The following SV2B variants were observed in gnomAD, a reference collection of about 807,000 sequenced individuals.
SV2B encodes solute carrier family 22 member B2.
In SV2B, 41 loss-of-function variants were observed where a neutral mutation model predicts 73.9. The observed-to-expected ratio is 0.56, with a 90% CI of 0.43 to 0.72. The LOEUF (loss-of-function observed/expected upper bound fraction) is 0.72, where lower values mean the gene tolerates loss of function less well. Among genes scored for constraint, SV2B ranks in the 30% least tolerant of loss-of-function variants. The pLI, the probability that SV2B is intolerant of heterozygous loss-of-function variation, is 0.00. For missense variants in SV2B, 764 were observed against 857.8 expected, an observed-to-expected ratio of 0.89 and a Z score of 1.37; for synonymous variants, 314 against 314.2, an observed-to-expected ratio of 1.00 and a Z score of 0.01.
intron 9 of SV2B, among the ~76,000 whole-genome samples, chr15:91,273,316 CCTGT>C (rs2048378155): frequency 6.6e-6 from 1 of 152,122 alleles, no homozygotes; most frequent in Admixed American, 6.5e-5. Context: ...AAATCTGTGA[CCTGT>C]CTAAGCCTAG....
At chr15:91,156,687 G>T (rs1282425524) in intron 1 of SV2B, among the ~76,000 whole-genome samples, 1 of 152,180 alleles carries the variant, frequency 6.6e-6, no homozygotes. Context: ...GAAATCTCTA[G>T]TTGAAAACAA....
chr15:91,242,986 G>T lies in SV2B; in HGVS notation c.452-8833G>T, dbSNP rs570566511. Among the ~76,000 whole-genome samples, 94 of 152,198 alleles carry T rather than the reference G, an allele frequency of 6.2e-4. 2 individuals are homozygous for T. Among genetic ancestry groups the T allele is most frequent in the African/African-American group, 2.1e-3 (88 of 41,508 alleles). On this transcript the variant is annotated intron_variant, in intron 2 of 12. Transcript: ENST00000394232. The surrounding 1 kb of genome is among the most constrained non-coding windows in gnomAD (Gnocchi z 4.9). ...TAGGTGGTGGCTGCTCCCTTTAGAC[G>T]GGCATGTATTTCTCAGTCCCCACAC...
At chr15:91,133,079 G>A (rs1008451037) in intron 1 of SV2B, among the ~76,000 whole-genome samples, 1 of 152,148 alleles carries the variant, frequency 6.6e-6, no homozygotes, top group South Asian at 2.1e-4. Context: ...TTTTGCAGGC[G>A]GAGAAACTGA....
chr15:91,111,457 G>A (rs1465975793), intron 1 of SV2B, among the ~76,000 whole-genome samples: 1 of 152,206 alleles, frequency 6.6e-6, no homozygotes, highest in African/African-American at 2.4e-5. Context: ...GGTACATGCT[G>A]AGAGAATTGG....
In SV2B at chr15:91,136,614, A is replaced by G. The variant is rs747014634; in HGVS notation, c.-392+36251A>G. Reference sequence around the variant, plus strand: ...CTGACCTGACAGCCAGGTGGGGCCAACCATTCCATTCACACCCTGGAGCAA... The same window carrying G: ...CTGACCTGACAGCCAGGTGGGGCCAGCCATTCCATTCACACCCTGGAGCAA... On this transcript the variant is annotated intron_variant, in intron 1 of 12. Coordinates refer to ENST00000394232, the MANE Select transcript of SV2B (RefSeq NM_001323032.3). The surrounding 1 kb of genome is among the most constrained non-coding windows in gnomAD (Gnocchi z 5.6). Among the ~76,000 whole-genome samples, 88 of 152,314 alleles carry G rather than the reference A, an allele frequency of 5.8e-4. No individual in the cohort carries two copies. Among genetic ancestry groups the G allele is most frequent in the Non-Finnish European group, 9.8e-4 (67 of 68,030 alleles).
At chr15:91,273,405 A>T (rs1263511993) in intron 9 of SV2B, among the ~76,000 whole-genome samples, 1 of 152,258 alleles carries the variant, frequency 6.6e-6, no homozygotes, top group Non-Finnish European at 1.5e-5. Context: ...TTTCTCAGCC[A>T]AGTTCTGTAG....
intron 1 of SV2B, among the ~76,000 whole-genome samples, chr15:91,187,474 T>C (rs2044818463): frequency 6.6e-6 from 1 of 152,212 alleles, no homozygotes; most frequent in South Asian, 2.1e-4. Flanking sequence ...AAGCTGCTCC[T>C]GCTTATGAAA....
chr15:91,161,871 CA>C, intron 1 of SV2B, among the ~76,000 whole-genome samples: 1 of 152,306 alleles, frequency 6.6e-6, no homozygotes, highest in East Asian at 1.9e-4. Context: ...GTGTCTCTCA[CA>C]AAAGTATTTG....
intron 1 of SV2B, among the ~76,000 whole-genome samples, chr15:91,191,107 C>G: frequency 8.9e-6 from 1 of 111,802 alleles, no homozygotes; most frequent in South Asian, 3.2e-4. Context: ...CTCTTGTTGC[C>G]CAGGCTGGAG....
chr15:91,133,366 T>C (rs2042715305), intron 1 of SV2B, among the ~76,000 whole-genome samples: 2 of 152,154 alleles, frequency 1.3e-5, no homozygotes, highest in African/African-American at 4.8e-5. Context: ...AGGCAATATG[T>C]GTGGGAACTT....
intron 1 of SV2B, among the ~76,000 whole-genome samples, chr15:91,188,194 A>G (rs1432482066): frequency 6.6e-6 from 1 of 152,114 alleles, no homozygotes; most frequent in Non-Finnish European, 1.5e-5. Context: ...ACCAAGGCCT[A>G]AAAAGAACCC....
At chr15:91,102,181 C>T (rs12913299) in intron 1 of SV2B, 48 of 152,040 alleles carry the variant, frequency 3.2e-4, no homozygotes, top group African/African-American at 1.1e-3. Context: ...TGATGGGTGA[C>T]GAAAAATGAT....
rs1019431321 is a variant in SV2B, at chr15:91,115,323, C to G, written c.-392+14960C>G. ...TGAAATAAAGATAACACAGTGCTAC[C>G]TTTGTTGGTGAGTGTTGACGACTTT... On this transcript the variant is annotated intron_variant, in intron 1 of 12. Transcript: ENST00000394232. This position sits in a 1 kb window ranked among gnomAD's most constrained non-coding sequence, Gnocchi z 4.3. 6.6e-6 allele frequency among the ~76,000 whole-genome samples: 1 copy of G among 152,148 alleles called. No homozygotes were observed. Among genetic ancestry groups the G allele is most frequent in the African/African-American group, 2.4e-5 (1 of 41,420 alleles).
rs1470997769 is a variant in SV2B at position 91,258,043 on chromosome 15, A to C, written c.785-378A>C. Among the ~76,000 whole-genome samples the C allele has an allele frequency of 6.6e-6, 1 of 152,222 alleles. No homozygotes were observed. The highest frequency in any genetic ancestry group is 1.5e-5 in the Non-Finnish European group (1 of 68,046). On this transcript the variant is annotated intron_variant, in intron 4 of 12. Coordinates refer to ENST00000394232, the MANE Select transcript of SV2B (RefSeq NM_001323032.3). The surrounding 1 kb of genome is among the most constrained non-coding windows in gnomAD (Gnocchi z 4.7). ...GCAAATAGAATATGTTTCCTTTAACAATCTGCCATCTTAAAATATAATGAT... is the reference window on the plus strand; with the variant it reads ...GCAAATAGAATATGTTTCCTTTAACCATCTGCCATCTTAAAATATAATGAT...
At chr15:91,150,142 C>G (rs1400873452) in intron 1 of SV2B, among the ~76,000 whole-genome samples, 2 of 152,072 alleles carry the variant, frequency 1.3e-5, no homozygotes, top group Non-Finnish European at 2.9e-5. Flanking sequence ...CAGCTGGGAT[C>G]CAGGTGCCCA....
Position 91,226,241 on chromosome 15 carries a change from C to T in SV2B, c.-23C>T, listed in dbSNP as rs567203159. ...GCGAGGGATATAGCTCAAGGGGCAA[C>T]CAGGCAGTCGCAGAACCAAGGAATG... is the stretch of plus-strand genomic sequence containing the variant. On this transcript the variant is annotated 5_prime_UTR_variant, in exon 2 of 13. Coordinates refer to ENST00000394232, the MANE Select transcript of SV2B (RefSeq NM_001323032.3). 2.7e-4 allele frequency: 434 copies of T among 1,612,992 alleles called. 2 individuals are homozygous for T. The South Asian group carries it at 4.5e-3, about 17-fold the overall frequency.
In SV2B at chr15:91,294,667, C is replaced by A. The variant is rs1431204493; in HGVS notation, c.*2115C>A. ...TAATGGGATAATACAATTCATTGAGCAGCTACCACTTAAAAAACTTGCAGG... is the reference window on the plus strand; with the variant it reads ...TAATGGGATAATACAATTCATTGAGAAGCTACCACTTAAAAAACTTGCAGG... On this transcript the variant is annotated 3_prime_UTR_variant, in exon 13 of 13. Coordinates refer to ENST00000394232, the MANE Select transcript of SV2B (RefSeq NM_001323032.3). The surrounding 1 kb of genome is among the most constrained non-coding windows in gnomAD (Gnocchi z 4.1). The A allele has an allele frequency of 5.3e-5, 8 of 152,104 alleles. No individual in the cohort carries two copies. In the South Asian group the frequency reaches 1.2e-3, roughly 24 times the overall value. The allele number at this position is 152,104 out of a possible 1,614,324, so 9.4% of individuals were successfully genotyped here.
chr15:91,273,507 A>G (rs1046240224), intron 9 of SV2B, among the ~76,000 whole-genome samples: 1 of 152,144 alleles, frequency 6.6e-6, no homozygotes, highest in Non-Finnish European at 1.5e-5. Flanking sequence ...CCTGTCAAAC[A>G]TGTGCACATG....
At position 91,270,826 on chromosome 15, in the gene SV2B, A is replaced by ATCTTGTGGATGATGGGAGGACGGTGAG. The variant is rs1567417628; in HGVS notation, c.1373+2223_1373+2224insTTGTGGATGATGGGAGGACGGTGAGTC. 3.1e-4 allele frequency among the ~76,000 whole-genome samples: 28 copies of ATCTTGTGGATGATGGGAGGACGGTGAG among 90,994 alleles called. 3 individuals carry two copies. Among genetic ancestry groups the ATCTTGTGGATGATGGGAGGACGGTGAG allele is most frequent in the African/African-American group, 1.4e-3 (26 of 18,248 alleles). The allele number at this position is 90,994 out of a possible 152,430, so 59.7% of individuals were successfully genotyped here. ...CCTGTGGATGATGGGGGGATGGTGA[A>ATCTTGTGGATGATGGGAGGACGGTGAG]TCCTGTGGATGATGGGGGGACGGTG... On this transcript the variant is annotated intron_variant, in intron 9 of 12. Coordinates refer to ENST00000394232, the MANE Select transcript of SV2B (RefSeq NM_001323032.3).
Sources: gnomAD v4.1 joint callset for allele counts (sites outside exome capture counted in the v4.1 genomes callset) on GRCh38, gnomAD v4.1.1 for gene constraint, Gnocchi (gnomAD v3.1) non-coding constraint, MANE v1.5 for transcripts, NCBI Gene and HGNC (gene_info 2026-07-23, HGNC 2026-07-21) for gene names.